MPPED1: variants seen among roughly 807,000 people sequenced by gnomAD.
MPPED1 encodes metallophosphoesterase domain containing 1, also known as metallophosphoesterase domain-containing protein 1.
In MPPED1, 16 loss-of-function variants were observed where a neutral mutation model predicts 36.2. The observed-to-expected ratio is 0.44, with a 90% CI of 0.30 to 0.67. The LOEUF is 0.67. MPPED1 is among the 30% of genes least tolerant of loss of function. MPPED1 has a pLI of 0.10. For synonymous variants in MPPED1, 199 were observed against 191.3 expected (o/e 1.04, Z -0.33); for missense variants, 307 against 453.4 (o/e 0.68, Z 2.93).
intron 2 of MPPED1, among the ~76,000 whole-genome samples, chr22:43,426,434 C>T (rs1216214447): frequency 2.0e-5 from 3 of 152,096 alleles, no homozygotes; most frequent in Non-Finnish European, 2.9e-5. Flanking sequence ...GTAGGGCCTA[C>T]GGGAAGCCCT....
intron 4 of MPPED1, among the ~76,000 whole-genome samples, chr22:43,476,919 G>A (rs1931595436): frequency 6.6e-6 from 1 of 152,118 alleles, no homozygotes; most frequent in Non-Finnish European, 1.5e-5. Flanking sequence ...CTAGAAGGAG[G>A]ACCCAGCAAG....
Position 43,474,969 on chromosome 22 carries a change from G to C in MPPED1, c.632+8G>C, listed in dbSNP as rs768169230. 7 of 1,613,226 alleles carry C rather than the reference G, an allele frequency of 4.3e-6. No individual in the cohort carries two copies. In the East Asian group the frequency reaches 1.3e-4, roughly 31 times the overall value. On this transcript the variant is annotated splice_region_variant and intron_variant, in intron 4 of 6. Coordinates refer to ENST00000443721, the MANE Select transcript of MPPED1 (RefSeq NM_001044370.2). This position sits in a 1 kb window ranked among gnomAD's most constrained non-coding sequence, Gnocchi z 5.2. ...GATCTATGGCTCCCCATGGTGAGTG[G>C]GCCTGGGTGCTGGTCCTGCCTGCTG... is the stretch of plus-strand genomic sequence containing the variant.
chr22:43,438,877 TCACCTTGCC>T (rs900381366), intron 3 of MPPED1, among the ~76,000 whole-genome samples: 2 of 152,098 alleles, frequency 1.3e-5, no homozygotes, highest in Non-Finnish European at 2.9e-5. Context: ...ACCCACCTCA[TCACCTTGCC>T]CACCTCGCCC....
Position 43,435,208 on chromosome 22 carries a change from G to A in MPPED1, c.399G>A (p.Glu133=), listed in dbSNP as rs1469366880. Residue 133 remains glutamate, a synonymous_variant, in exon 3 of 7, where the codon GAG becomes GAA. Transcript: ENST00000443721. ...CGAGCGAGGTGAAGAAGTTCAACGA[G>A]TGGCTGGGTAGGTCCCTCCTGCCCC... ...GLPSEVKKFN[E]WLGSLPYEYK... The A allele has an allele frequency of 1.2e-6, 2 of 1,607,368 alleles. No individual in the cohort carries two copies. Among genetic ancestry groups the A allele is most frequent in the Admixed American group, 1.7e-5 (1 of 59,966 alleles).
intron 4 of MPPED1, among the ~76,000 whole-genome samples, chr22:43,488,836 C>T (rs1931996439): frequency 6.6e-6 from 1 of 152,248 alleles, no homozygotes; most frequent in African/African-American, 2.4e-5. Context: ...ATCCGTCCGC[C>T]CTCCTCAGGC....
intron 5 of MPPED1, among the ~76,000 whole-genome samples, chr22:43,499,008 A>G (rs1317112426): frequency 6.6e-6 from 1 of 151,534 alleles, no homozygotes; most frequent in African/African-American, 2.4e-5. Flanking sequence ...GTCCAGGACA[A>G]TGTCTTCTCT....
At chr22:43,484,386 T>C (rs1931846004) in intron 4 of MPPED1, among the ~76,000 whole-genome samples, 1 of 152,192 alleles carries the variant, frequency 6.6e-6, no homozygotes, top group South Asian at 2.1e-4. Context: ...CGGGTCTGGC[T>C]CAGGCGTGTA....
intron 1 of MPPED1, chr22:43,417,574 T>C (rs2146810719): frequency 6.5e-6 from 1 of 152,846 alleles, no homozygotes; most frequent in East Asian, 1.9e-4. Flanking sequence ...GTGTGGGAAT[T>C]GTCGCTTGTA....
At chr22:43,466,636 T>C (rs1931181390) in intron 3 of MPPED1, among the ~76,000 whole-genome samples, 1 of 141,040 alleles carries the variant, frequency 7.1e-6, no homozygotes, top group Non-Finnish European at 1.6e-5. Context: ...ATACAGCAAA[T>C]AACTACACAA....
chr22:43,447,059 C>T (rs1339642188), intron 3 of MPPED1, among the ~76,000 whole-genome samples: 4 of 152,114 alleles, frequency 2.6e-5, no homozygotes, highest in Admixed American at 2.0e-4. Flanking sequence ...TGGAGGGTGG[C>T]GGTGCCTTCC....
At chr22:43,481,011 C>G (rs952062104) in intron 4 of MPPED1, among the ~76,000 whole-genome samples, 5 of 152,002 alleles carry the variant, frequency 3.3e-5, no homozygotes, top group African/African-American at 4.8e-5. Context: ...TTTGTAGAGA[C>G]AGGGTTTCAC....
intron 3 of MPPED1, among the ~76,000 whole-genome samples, chr22:43,441,935 G>C (rs1930161679): frequency 6.6e-6 from 1 of 152,168 alleles, no homozygotes; most frequent in Admixed American, 6.5e-5. Context: ...CCGGCGGAAT[G>C]GGCACCTTCT....
chr22:43,413,531 T>C (rs4519640), intron 1 of MPPED1, among the ~76,000 whole-genome samples: 32,903 of 152,166 alleles, frequency 0.22, 4,869 homozygotes, highest in East Asian at 0.61. Context: ...AGGGTGCTGA[T>C]GGATTCGGCC....
intron 4 of MPPED1, among the ~76,000 whole-genome samples, chr22:43,493,398 G>C (rs142234498): frequency 5.9e-5 from 9 of 152,342 alleles, no homozygotes; most frequent in Admixed American, 3.9e-4. Flanking sequence ...CATGGCCCAG[G>C]GAGGGATTTA....
chr22:43,450,577 T>C (rs1200681404), intron 3 of MPPED1, among the ~76,000 whole-genome samples: 1 of 152,152 alleles, frequency 6.6e-6, no homozygotes, highest in East Asian at 1.9e-4. Flanking sequence ...GAGAGTTCAG[T>C]GAGGCAGCGG....
intron 4 of MPPED1, among the ~76,000 whole-genome samples, chr22:43,479,128 C>T (rs1931668783): frequency 6.6e-6 from 1 of 152,184 alleles, no homozygotes; most frequent in Non-Finnish European, 1.5e-5. Flanking sequence ...GCCCTCCACT[C>T]CCCTGGCGCC....
intron 3 of MPPED1, among the ~76,000 whole-genome samples, chr22:43,449,071 T>TA (rs1274202051): frequency 2.0e-5 from 3 of 152,046 alleles, no homozygotes; most frequent in South Asian, 4.2e-4. Context: ...TAGGACTAAC[T>TA]AAAAAAAAGT....
intron 3 of MPPED1, among the ~76,000 whole-genome samples, chr22:43,467,604 C>T (rs140856026): frequency 1.5e-3 from 224 of 152,290 alleles, no homozygotes; most frequent in African/African-American, 5.0e-3. Context: ...TGCGCCATAC[C>T]GAGAAGTCTG....
chr22:43,491,010 A>G (rs1341490926), intron 4 of MPPED1, among the ~76,000 whole-genome samples: 2 of 152,234 alleles, frequency 1.3e-5, no homozygotes, highest in Non-Finnish European at 2.9e-5. Flanking sequence ...GACTCAGTCC[A>G]TGTGGATGTG....
Sources: gnomAD v4.1 joint callset for allele counts (sites outside exome capture counted in the v4.1 genomes callset) on GRCh38, gnomAD v4.1.1 for gene constraint, Gnocchi (gnomAD v3.1) non-coding constraint, MANE v1.5 for transcripts, NCBI Gene and HGNC (gene_info 2026-07-23, HGNC 2026-07-21) for gene names.